Variants in EVC observed in about 807,000 individuals in gnomAD.
The protein encoded by EVC is EvC ciliary complex subunit 1.
Under a neutral mutation model 118.9 loss-of-function variants are expected in EVC, and 116 were observed. The observed-to-expected ratio is 0.98, with a 90% CI of 0.84 to 1.14. EVC has a LOEUF of 1.14. Ranked by LOEUF, EVC falls within the 50% of genes most tolerant of loss-of-function variation. EVC has a pLI of 0.00. For synonymous variants in EVC, 619 were observed against 534.7 expected (o/e 1.16, Z -2.18); for missense variants, 1,401 against 1,246.4 (o/e 1.12, Z -1.87).
chr4:5,793,825 C>T (rs553799739), intron 13 of EVC, 108 bp downstream of exon 13: 48 of 824,016 alleles, frequency 5.8e-5, no homozygotes, highest in Non-Finnish European at 9.3e-5. Flanking sequence ...CCTCAGCTTC[C>T]TTTGAATGTA....
Position 5,811,557 on chromosome 4 carries a change from A to AGATGTCAT in EVC, c.*522_*529dup, listed in dbSNP as rs1218713680. The AGATGTCAT allele has an allele frequency of 5.4e-6, 1 of 185,462 alleles. No individual in the cohort carries two copies. The highest frequency in any genetic ancestry group is 1.1e-5 in the Non-Finnish European group (1 of 88,594). The allele number at this position is 185,462 out of a possible 1,614,324, so 11.5% of individuals were successfully genotyped here. On this transcript the variant is annotated 3_prime_UTR_variant, in exon 21 of 21. Coordinates refer to ENST00000264956, the MANE Select transcript of EVC (RefSeq NM_153717.3). ...CAGTAGACACCCTGCCCGTGCAGAG[A>AGATGTCAT]GATGTCATGGGGGCACCTGCTCTCC...
chr4:5,800,349 A>G (rs939414726), intron 15 of EVC, among the ~76,000 whole-genome samples: 22 of 151,508 alleles, frequency 1.5e-4, no homozygotes, highest in Admixed American at 3.3e-4. Flanking sequence ...TGTCTAAAAA[A>G]CAAACAAACA....
At chr4:5,768,100 G>T (rs4688960) in intron 11 of EVC, among the ~76,000 whole-genome samples, 1 of 152,022 alleles carries the variant, frequency 6.6e-6, no homozygotes, top group Non-Finnish European at 1.5e-5. Flanking sequence ...AGTGAGGCCA[G>T]TGTAAGGGCA....
At chr4:5,773,723 G>A (rs1734322554) in intron 11 of EVC, among the ~76,000 whole-genome samples, 1 of 152,022 alleles carries the variant, frequency 6.6e-6, no homozygotes, top group South Asian at 2.1e-4. Context: ...CATGCTTCTG[G>A]TGGATGGCCC....
At chr4:5,766,914 C>A (rs1170578945) in intron 11 of EVC, among the ~76,000 whole-genome samples, 1 of 152,042 alleles carries the variant, frequency 6.6e-6, no homozygotes, top group Non-Finnish European at 1.5e-5. Flanking sequence ...CAAAGTCATT[C>A]TCCATCCAGC....
Position 5,742,036 on chromosome 4 carries a change from A to G in EVC, c.801+222A>G, listed in dbSNP as rs922819859. On this transcript the variant is annotated intron_variant, in intron 6 of 20. Transcript: ENST00000264956. This position sits in a 1 kb window ranked among gnomAD's most constrained non-coding sequence, Gnocchi z 5.2. ...TATAGCAAAGAGAATAATATTGGTCATATCTACTACTCAAAGACGGTCACT... is the reference window on the plus strand; with the variant it reads ...TATAGCAAAGAGAATAATATTGGTCGTATCTACTACTCAAAGACGGTCACT... Among the ~76,000 whole-genome samples the G allele has an allele frequency of 5.9e-5, 9 of 151,746 alleles. No homozygotes were observed. Among genetic ancestry groups the G allele is most frequent in the Non-Finnish European group, 8.8e-5 (6 of 67,946 alleles).
chr4:5,817,326 G>A (rs1447575447), downstream of EVC, among the ~76,000 whole-genome samples: 2 of 152,172 alleles, frequency 1.3e-5, no homozygotes, highest in Non-Finnish European at 2.9e-5. Flanking sequence ...GCTCCCGTCT[G>A]ATAGGGAAAG....
At chr4:5,772,512 G>A (rs1328102125) in intron 11 of EVC, among the ~76,000 whole-genome samples, 1 of 151,996 alleles carries the variant, frequency 6.6e-6, no homozygotes, top group Non-Finnish European at 1.5e-5. Flanking sequence ...TAACACCCCA[G>A]AATGCCTCCT....
intron 11 of EVC, among the ~76,000 whole-genome samples, chr4:5,763,621 C>A (rs1732413387): frequency 8.4e-6 from 1 of 119,686 alleles, no homozygotes; most frequent in African/African-American, 3.2e-5. Context: ...CTTCACATCC[C>A]TTGTAAGTAG....
chr4:5,808,280 G>C lies in EVC; in HGVS notation c.2641G>C (p.Ala881Pro). Residue 881 changes from alanine (A) to proline (P), a missense_variant, in exon 18 of 21, where the codon GCA (alanine) becomes CCA (proline). By Grantham distance (27) the Ala-to-Pro change is conservative (BLOSUM62 -1). Coordinates refer to ENST00000264956, the MANE Select transcript of EVC (RefSeq NM_153717.3). ...QMRLHAQQQQ[A>P]GVMDLLEAQL... ...GCGTCTGCACGCCCAGCAGCAGCAGGCAGGAGTCATGGACCTTCTGGAAGC... is the reference window on the plus strand; with the variant it reads ...GCGTCTGCACGCCCAGCAGCAGCAGCCAGGAGTCATGGACCTTCTGGAAGC... 1 of 1,614,212 alleles carries C rather than the reference G, an allele frequency of 6.2e-7. No homozygotes were observed. The highest frequency in any genetic ancestry group is 8.5e-7 in the Non-Finnish European group (1 of 1,180,042).
chr4:5,753,283 T>G (rs1306062806), intron 9 of EVC, among the ~76,000 whole-genome samples: 1 of 152,218 alleles, frequency 6.6e-6, no homozygotes, highest in Admixed American at 6.5e-5. Flanking sequence ...GGTCACCTGC[T>G]GCACTCACTC....
chr4:5,793,555 A>G, intron 12 of EVC, 53 bp from the exon 13 acceptor site: 1 of 1,419,128 alleles, frequency 7.0e-7, no homozygotes, highest in Non-Finnish European at 9.7e-7. Context: ...AGCAAGCAGG[A>G]TTGTTGAAGT....
Position 5,811,045 on chromosome 4 carries a change from C to T in EVC, c.*8C>T, listed in dbSNP as rs758879070. 3.7e-6 allele frequency: 6 copies of T among 1,607,010 alleles called. No homozygotes were observed. In the Admixed American group the frequency reaches 1.0e-4, roughly 27 times the overall value. On this transcript the variant is annotated 3_prime_UTR_variant, in exon 21 of 21. Coordinates refer to ENST00000264956, the MANE Select transcript of EVC (RefSeq NM_153717.3). ...AGAAGAAGCAACTTGTAGTTTAAGA[C>T]CAGTCGGTGGGACAAGACCTGAAGC...
intron 11 of EVC, among the ~76,000 whole-genome samples, chr4:5,763,667 T>G (rs1015702642): frequency 8.8e-6 from 1 of 113,860 alleles, no homozygotes; most frequent in Non-Finnish European, 1.9e-5. Context: ...GAAGCAATTG[T>G]GAATGGGAGT....
At chr4:5,781,952 A>C (rs1735661336) in intron 11 of EVC, among the ~76,000 whole-genome samples, 1 of 152,234 alleles carries the variant, frequency 6.6e-6, no homozygotes, top group South Asian at 2.1e-4. Context: ...AGAGACCTGT[A>C]AACTGGAGAG....
intron 11 of EVC, among the ~76,000 whole-genome samples, chr4:5,763,601 T>A (rs1401105782): frequency 8.2e-6 from 1 of 122,584 alleles, no homozygotes; most frequent in African/African-American, 3.2e-5. Context: ...TAGTTCTCCT[T>A]GAAGAGGTCC....
Position 5,756,823 on chromosome 4 carries a change from G to T in EVC, c.1563+461G>T, listed in dbSNP as rs1209209936. On this transcript the variant is annotated intron_variant, in intron 11 of 20. Coordinates refer to ENST00000264956, the MANE Select transcript of EVC (RefSeq NM_153717.3). The surrounding 1 kb of genome is among the most constrained non-coding windows in gnomAD (Gnocchi z 4.2). Reference sequence around the variant, plus strand: ...AGGTGAAGCTGGCCATGCTTGCCCTGCAGGGTGACTTTCAGAGAGCAGGAG... The same window carrying T: ...AGGTGAAGCTGGCCATGCTTGCCCTTCAGGGTGACTTTCAGAGAGCAGGAG... Among the ~76,000 whole-genome samples the T allele has an allele frequency of 6.6e-6, 1 of 152,134 alleles. No individual in the cohort carries two copies. Among genetic ancestry groups the T allele is most frequent in the South Asian group, 2.1e-4 (1 of 4,820 alleles).
At chr4:5,716,026 G>A (rs1055962612) in intron 1 of EVC, among the ~76,000 whole-genome samples, 7 of 152,220 alleles carry the variant, frequency 4.6e-5, no homozygotes, top group African/African-American at 1.7e-4. Flanking sequence ...ACAGGCGTGA[G>A]CTACTGTACC....
At chr4:5,736,644 A>T (rs62298658) in intron 5 of EVC, among the ~76,000 whole-genome samples, 7 of 151,940 alleles carry the variant, frequency 4.6e-5, no homozygotes, top group Admixed American at 3.9e-4. Context: ...CAATATTTCA[A>T]ACTTATTCAC....
Sources: gnomAD v4.1 joint callset for allele counts (sites outside exome capture counted in the v4.1 genomes callset) on GRCh38, gnomAD v4.1.1 for gene constraint, Gnocchi (gnomAD v3.1) non-coding constraint, MANE v1.5 for transcripts, NCBI Gene and HGNC (gene_info 2026-07-23, HGNC 2026-07-21) for gene names.